SV2C: variants seen among roughly 807,000 people sequenced by gnomAD.
SV2C encodes the protein synaptic vesicle glycoprotein 2C.
Under a neutral mutation model 79.7 loss-of-function variants are expected in SV2C, and 49 were observed. That is an observed-to-expected ratio of 0.61 (90% CI 0.49 to 0.78). The LOEUF (loss-of-function observed/expected upper bound fraction) is 0.78, where lower values mean the gene tolerates loss of function less well. Ranked by LOEUF, SV2C falls within the 30% of genes least tolerant of loss-of-function variation. The pLI, the probability that SV2C is intolerant of heterozygous loss-of-function variation, is 0.00. For synonymous variants in SV2C, 334 were observed against 333.2 expected (o/e 1.00, Z -0.03); for missense variants, 833 against 912.9 (o/e 0.91, Z 1.13).
At chr5:76,120,132 C>T (rs1333757748) in intron 1 of SV2C, among the ~76,000 whole-genome samples, 6 of 152,040 alleles carry the variant, frequency 3.9e-5, no homozygotes, top group Non-Finnish European at 7.4e-5. Context: ...TAAATGTGTA[C>T]AATTATAATG....
chr5:75,870,666 A>G, the SV2C span, among the ~76,000 whole-genome samples: 4 of 152,208 alleles, frequency 2.6e-5, no homozygotes, highest in Admixed American at 6.5e-5. Flanking sequence ...CAAGAAGGTT[A>G]ATAAACACTA....
At chr5:76,309,624 AACAG>A (rs1748342973) in intron 12 of SV2C, among the ~76,000 whole-genome samples, 1 of 146,366 alleles carries the variant, frequency 6.8e-6, no homozygotes, top group Non-Finnish European at 1.5e-5. Flanking sequence ...AAAAAAAAAA[AACAG>A]AAAGAAAGAA....
At chr5:75,987,113 A>G in the SV2C span, among the ~76,000 whole-genome samples, 1 of 151,918 alleles carries the variant, frequency 6.6e-6, no homozygotes, top group Non-Finnish European at 1.5e-5. Context: ...ATCAATGCAA[A>G]ATGAAGCTCA....
chr5:76,246,870 T>C (rs1017050508), intron 4 of SV2C, among the ~76,000 whole-genome samples: 1 of 152,140 alleles, frequency 6.6e-6, no homozygotes, highest in Non-Finnish European at 1.5e-5. Flanking sequence ...CCCCTTCTTG[T>C]GTCAACTCTA....
the SV2C span, among the ~76,000 whole-genome samples, chr5:75,866,348 T>A: frequency 6.6e-6 from 1 of 152,246 alleles, no homozygotes; most frequent in South Asian, 2.1e-4. Context: ...AAGGGATTCC[T>A]ATGCATTGGG....
At chr5:75,854,547 C>T in the SV2C span, among the ~76,000 whole-genome samples, 13 of 152,228 alleles carry the variant, frequency 8.5e-5, no homozygotes, top group Middle Eastern at 0.014. Flanking sequence ...ATGTTTTGCC[C>T]ATCTTTCCTT....
the SV2C span, chr5:75,920,618 G>A: frequency 1.7e-6 from 1 of 574,580 alleles, no homozygotes; most frequent in Non-Finnish European, 3.1e-6. Context: ...CATGATGCCA[G>A]CACTGCATAG....
chr5:75,884,221 T>A, the SV2C span, among the ~76,000 whole-genome samples: 1 of 152,138 alleles, frequency 6.6e-6, no homozygotes, highest in Non-Finnish European at 1.5e-5. Context: ...AATGGACTAT[T>A]TGATTGGCTT....
intron 3 of SV2C, among the ~76,000 whole-genome samples, chr5:76,200,618 A>G (rs1744412615): frequency 6.6e-6 from 1 of 152,032 alleles, no homozygotes; most frequent in Non-Finnish European, 1.5e-5. Flanking sequence ...GACTGGAAGG[A>G]GTTCTTTTTT....
At chr5:76,140,707 T>C (rs1279960152) in intron 2 of SV2C, among the ~76,000 whole-genome samples, 1 of 152,156 alleles carries the variant, frequency 6.6e-6, no homozygotes, top group African/African-American at 2.4e-5. Context: ...ATTCCAAATT[T>C]GTGATGATTT....
intron 12 of SV2C, among the ~76,000 whole-genome samples, chr5:76,312,094 A>C (rs1748461925): frequency 6.6e-6 from 1 of 152,178 alleles, no homozygotes; most frequent in African/African-American, 2.4e-5. Context: ...AAAGTCATAA[A>C]TGTAGCTCCC....
chr5:76,019,582 T>C, the SV2C span, among the ~76,000 whole-genome samples: 2 of 152,180 alleles, frequency 1.3e-5, no homozygotes, highest in African/African-American at 4.8e-5. Flanking sequence ...CAAAATTGGA[T>C]ATTTCTTGCT....
At chr5:75,921,083 C>A in the SV2C span, 8 of 775,450 alleles carry the variant, frequency 1.0e-5, no homozygotes, top group East Asian at 1.7e-4. Context: ...AGGGATGGGG[C>A]CAAACTCCTG....
the SV2C span, among the ~76,000 whole-genome samples, chr5:75,970,148 A>G: frequency 6.6e-6 from 1 of 152,158 alleles, no homozygotes. Flanking sequence ...ACAACATACC[A>G]GAATCTCTTG....
At chr5:76,193,671 G>A (rs761807134) in intron 2 of SV2C, among the ~76,000 whole-genome samples, 1 of 152,214 alleles carries the variant, frequency 6.6e-6, no homozygotes, top group Non-Finnish European at 1.5e-5. Flanking sequence ...ACTTCCCAGT[G>A]GAGAGGCCAG....
At chr5:76,235,054 C>G (rs536983801) in intron 4 of SV2C, among the ~76,000 whole-genome samples, 1 of 152,130 alleles carries the variant, frequency 6.6e-6, no homozygotes, top group East Asian at 1.9e-4. Context: ...TAACATTCCA[C>G]TTTTCCTATC....
chr5:76,040,228 T>C, the SV2C span, among the ~76,000 whole-genome samples: 1 of 152,036 alleles, frequency 6.6e-6, no homozygotes, highest in Non-Finnish European at 1.5e-5. Flanking sequence ...AGTCAGAAAA[T>C]TGGCAAAAGA....
the SV2C span, among the ~76,000 whole-genome samples, chr5:75,892,007 G>T: frequency 2.6e-5 from 4 of 152,020 alleles, no homozygotes; most frequent in African/African-American, 9.7e-5. Flanking sequence ...ATTACTCCCT[G>T]ATTCCCAGGT....
chr5:76,251,553 AAAAC>A (rs1055036844), intron 4 of SV2C, among the ~76,000 whole-genome samples: 9 of 152,252 alleles, frequency 5.9e-5, no homozygotes, highest in Admixed American at 2.0e-4. Flanking sequence ...CCTGTCTCAA[AAAAC>A]AAACAAAATA....
Sources: allele counts gnomAD v4.1 joint callset (sites outside exome capture counted in the v4.1 genomes callset), GRCh38; gene constraint gnomAD v4.1.1; transcripts MANE v1.5; gene names NCBI Gene and HGNC (gene_info 2026-07-23, HGNC 2026-07-21).